Variants in EFTUD2 observed in about 807,000 individuals in gnomAD.
The protein encoded by EFTUD2 is elongation factor Tu GTP binding domain containing 2.
EFTUD2 carries 9 observed loss-of-function variants against 114.3 expected under a neutral mutation model. The observed-to-expected ratio is 0.08, with a 90% CI of 0.05 to 0.14. EFTUD2 has a LOEUF of 0.14. Among genes scored for constraint, EFTUD2 ranks in the 10% least tolerant of loss-of-function variants. The pLI is 1.00. For missense variants in EFTUD2, 765 were observed against 1,241.2 expected (o/e 0.62, Z 5.76); for synonymous variants, 449 against 462.3 (o/e 0.97, Z 0.37).
At chr17:44,860,575 C>A (rs747866550) in intron 16 of EFTUD2, 32 bp from the exon 17 acceptor site, 82 of 1,179,942 alleles carry the variant, frequency 6.9e-5, no homozygotes, top group Non-Finnish European at 8.7e-5. Flanking sequence ...AGCAGTGAAA[C>A]TTAGGCAGAG....
chr17:44,869,568 G>A (rs2050810515), intron 11 of EFTUD2, among the ~76,000 whole-genome samples: 1 of 152,072 alleles, frequency 6.6e-6, no homozygotes, highest in South Asian at 2.1e-4. Flanking sequence ...CCAAGTGCTC[G>A]GATTACAGGC....
intron 4 of EFTUD2, among the ~76,000 whole-genome samples, chr17:44,884,828 AATGAGCC>A (rs1349306909): frequency 1.3e-5 from 2 of 152,180 alleles, no homozygotes; most frequent in Non-Finnish European, 2.9e-5. Flanking sequence ...TCAAGGCTGC[AATGAGCC>A]ATGATTGTGC....
chr17:44,883,538 G>T, intron 5 of EFTUD2, 111 bp downstream of exon 5: 1 of 1,002,112 alleles, frequency 1.0e-6, no homozygotes, highest in African/African-American at 1.6e-5. Flanking sequence ...CCCCTAGTCA[G>T]GAGGTTGAGC....
At chr17:44,882,402 C>T (rs192326032) in intron 6 of EFTUD2, among the ~76,000 whole-genome samples, 1 of 152,120 alleles carries the variant, frequency 6.6e-6, no homozygotes, top group African/African-American at 2.4e-5. Context: ...CAGGTGTGCA[C>T]CACCGTGCCC....
chr17:44,855,316 A>G (rs912932769), intron 20 of EFTUD2, among the ~76,000 whole-genome samples: 4 of 152,180 alleles, frequency 2.6e-5, no homozygotes, highest in Non-Finnish European at 5.9e-5. Context: ...TAATCCCGGC[A>G]TTTTGGGAGG....
Position 44,854,506 on chromosome 17 carries a change from C to A in EFTUD2, c.2259+50G>T, listed in dbSNP as rs763431739. The A allele has an allele frequency of 1.3e-6, 2 of 1,591,348 alleles. No individual in the cohort carries two copies. The highest frequency in any genetic ancestry group is 1.7e-6 in the Non-Finnish European group (2 of 1,167,028). On this transcript the variant is annotated intron_variant, in intron 22 of 27. Coordinates refer to ENST00000426333, the MANE Select transcript of EFTUD2 (RefSeq NM_004247.4). This position sits in a 1 kb window ranked among gnomAD's most constrained non-coding sequence, Gnocchi z 4.3. ...GAAAAGAACACTTTGTAGTTTCTTCCACTCCAGAGGTAAGAGACCGCCACC... is the reference window on the plus strand; with the variant it reads ...GAAAAGAACACTTTGTAGTTTCTTCAACTCCAGAGGTAAGAGACCGCCACC...
intron 11 of EFTUD2, among the ~76,000 whole-genome samples, chr17:44,870,694 T>C (rs933803160): frequency 6.6e-6 from 1 of 152,162 alleles, no homozygotes; most frequent in Non-Finnish European, 1.5e-5. Flanking sequence ...CTTTGTAACA[T>C]CTTCTTTTCT....
rs758633247 is a variant in EFTUD2, at chr17:44,859,974, G to C, written c.1791C>G (p.Pro597=). The stretch of plus-strand genomic sequence containing the variant: ...CATCAAGCATCTTGGGCAGCTCTGA[G>C]GGGTTGACTGGCTCCACAGCAATCT... The part of the protein sequence containing the change: ...VIKIAVEPVN[P]SELPKMLDGL... Residue 597 remains proline, a synonymous_variant, in exon 18 of 28, where the codon CCC becomes CCG. Coordinates refer to ENST00000426333, the MANE Select transcript of EFTUD2 (RefSeq NM_004247.4). 1.9e-6 allele frequency: 3 copies of C among 1,614,196 alleles called. No homozygotes were observed. The East Asian group carries it at 6.7e-5, about 36-fold the overall frequency.
intron 9 of EFTUD2, among the ~76,000 whole-genome samples, chr17:44,879,136 A>T (rs2051024871): frequency 6.6e-6 from 1 of 152,094 alleles, no homozygotes; most frequent in African/African-American, 2.4e-5. Context: ...CCCAGGCTGG[A>T]GTGAAGTGGC....
Position 44,850,260 on chromosome 17 carries a change from A to T in EFTUD2, c.*1014T>A. ...AGGGAGCAGCTAGAGGTGAACCCCT[A>T]GGACGCCTGAGAGCCAGAGGACGGG... On this transcript the variant is annotated 3_prime_UTR_variant, in exon 28 of 28. Transcript: ENST00000426333. 1 of 1,248,764 alleles carries T rather than the reference A, an allele frequency of 8.0e-7. No homozygotes were observed. The highest frequency in any genetic ancestry group is 1.1e-6 in the Non-Finnish European group (1 of 872,564). The allele number at this position is 1,248,764 out of a possible 1,614,324, so 77.4% of individuals were successfully genotyped here. A position where few individuals can be genotyped will look rare whatever the true frequency, so the allele number is the denominator to read the frequency against.
At chr17:44,877,538 G>A (rs772146191) in intron 9 of EFTUD2, among the ~76,000 whole-genome samples, 6 of 152,182 alleles carry the variant, frequency 3.9e-5, no homozygotes, top group Non-Finnish European at 5.9e-5. Flanking sequence ...AGGCGCAGTG[G>A]CTCATGCCTG....
intron 11 of EFTUD2, among the ~76,000 whole-genome samples, chr17:44,868,959 T>C (rs1294278392): frequency 6.6e-6 from 1 of 152,222 alleles, no homozygotes; most frequent in Admixed American, 6.5e-5. Context: ...CCATAGCTTT[T>C]AAAAGTCAAG....
At chr17:44,855,144 T>C (rs2050525970) in intron 20 of EFTUD2, 140 bp from the exon 21 acceptor site, 1 of 740,682 alleles carries the variant, frequency 1.4e-6, no homozygotes, top group Non-Finnish European at 2.4e-6. Flanking sequence ...GGTTCAGACC[T>C]GTAATCCCAG....
intron 10 of EFTUD2, 92 bp downstream of exon 10, chr17:44,875,842 C>T (rs1354590644): frequency 3.5e-5 from 53 of 1,506,154 alleles, no homozygotes; most frequent in Non-Finnish European, 4.5e-5. Context: ...TCAACACACG[C>T]TTAGAAATAA....
Position 44,867,876 on chromosome 17 carries a change from G to T in EFTUD2, c.1080C>A (p.Ala360=). Reference sequence around the variant, plus strand: ...AACTTCTCTGGGAGCTGCTAGTTGGGGCCTTTTTGGTGAACTTTCGCCTAA... The same window carrying T: ...AACTTCTCTGGGAGCTGCTAGTTGGTGCCTTTTTGGTGAACTTTCGCCTAA... ...NPKTRKFTKK[A]PTSSSQRSFV... The change falls in exon 13 of 28, where the codon GCC becomes GCA. Residue 360 remains alanine (A), a synonymous_variant. Transcript: ENST00000426333. 6.2e-7 allele frequency: 1 copy of T among 1,601,770 alleles called. No individual in the cohort carries two copies. The highest frequency in any genetic ancestry group is 1.1e-5 in the South Asian group (1 of 88,576).
intron 10 of EFTUD2, among the ~76,000 whole-genome samples, chr17:44,875,332 C>A (rs2050927425): frequency 6.6e-6 from 1 of 152,102 alleles, no homozygotes; most frequent in Non-Finnish European, 1.5e-5. Context: ...AGGTCAAGAC[C>A]AACCTGGCTA....
intron 2 of EFTUD2, 44 bp from the exon 3 acceptor site, chr17:44,886,794 T>C: frequency 6.3e-7 from 1 of 1,575,674 alleles, no homozygotes; most frequent in South Asian, 1.1e-5. Context: ...GCACACGCTT[T>C]TCCTGTTTGA....
intron 2 of EFTUD2, among the ~76,000 whole-genome samples, chr17:44,891,666 T>A (rs1217897446): frequency 1.3e-5 from 2 of 152,112 alleles, no homozygotes; most frequent in Non-Finnish European, 2.9e-5. Flanking sequence ...ATTCTTTATT[T>A]TAAAAATTTT....
At chr17:44,857,009 T>G in intron 20 of EFTUD2, 66 bp downstream of exon 20, 1 of 1,347,266 alleles carries the variant, frequency 7.4e-7, no homozygotes, top group Non-Finnish European at 1.1e-6. Context: ...GGGGTAGAGG[T>G]GGAAGATAAA....
Sources: gnomAD v4.1 joint callset for allele counts (sites outside exome capture counted in the v4.1 genomes callset) on GRCh38, gnomAD v4.1.1 for gene constraint, Gnocchi (gnomAD v3.1) non-coding constraint, MANE v1.5 for transcripts, NCBI Gene and HGNC (gene_info 2026-07-23, HGNC 2026-07-21) for gene names.